POLR1B: variants seen among roughly 807,000 people sequenced by gnomAD.
The protein encoded by POLR1B is DNA-directed RNA polymerase I subunit RPA2.
Under a neutral mutation model 105.8 loss-of-function variants are expected in POLR1B, and 30 were observed. That is an observed-to-expected ratio of 0.28 (90% CI 0.21 to 0.38). The LOEUF is 0.38. Ranked by LOEUF, POLR1B falls within the 10% of genes least tolerant of loss-of-function variation. POLR1B has a pLI of 1.00. For synonymous variants in POLR1B, 485 were observed against 505.1 expected, an observed-to-expected ratio of 0.96 and a Z score of 0.53; for missense variants, 976 against 1,435.8, an observed-to-expected ratio of 0.68 and a Z score of 5.17.
chr2:112,553,809 A>G (rs1294151646), intron 7 of POLR1B: 1 of 152,198 alleles, frequency 6.6e-6, no homozygotes, highest in African/African-American at 2.4e-5. Context: ...ATTTTTCCCC[A>G]GGAGTAGTGG....
chr2:112,542,640 C>G lies in POLR1B; in HGVS notation c.146C>G (p.Ala49Gly). Residue 49 changes from alanine (A) to glycine (G), a missense_variant, in exon 1 of 15, where the codon GCT becomes GGT. This residue lies in a region of POLR1B where 452 missense variants were observed against 616.5 expected (regional missense o/e 0.73). Coordinates refer to ENST00000263331, the MANE Select transcript of POLR1B (RefSeq NM_019014.6). ...TRAHVESFNY[A>G]VHEGLGLAVQ... ...GCGCACGTGGAGTCCTTCAACTACGCTGTGCACGAGGGTCTCGGCCTCGCG... is the reference window on the plus strand; with the variant it reads ...GCGCACGTGGAGTCCTTCAACTACGGTGTGCACGAGGGTCTCGGCCTCGCG... 1.9e-6 allele frequency: 3 copies of G among 1,613,970 alleles called. No individual in the cohort carries two copies. Among genetic ancestry groups the G allele is most frequent in the Non-Finnish European group, 2.5e-6 (3 of 1,179,978 alleles).
chr2:112,554,765 G>A (rs1049020580), intron 7 of POLR1B, among the ~76,000 whole-genome samples: 1 of 152,224 alleles, frequency 6.6e-6, no homozygotes, highest in Non-Finnish European at 1.5e-5. Flanking sequence ...GAGACCAGGA[G>A]TACAGTGGCT....
intron 8 of POLR1B, among the ~76,000 whole-genome samples, chr2:112,558,852 C>T (rs567149171): frequency 6.6e-5 from 10 of 150,980 alleles, no homozygotes; most frequent in African/African-American, 2.4e-4. Context: ...CTCTTGAGCT[C>T]TGGTGAACCA....
chr2:112,542,733 G>T lies in POLR1B; in HGVS notation c.177+62G>T. ...AGGCCAATCCCAGGGAGGTGGCTGG[G>T]AGGTCACAGTATGACCCCAGATGCA... On this transcript the variant is annotated intron_variant, in intron 1 of 14. Coordinates refer to ENST00000263331, the MANE Select transcript of POLR1B (RefSeq NM_019014.6). 5.0e-6 allele frequency: 8 copies of T among 1,586,098 alleles called. No individual in the cohort carries two copies. The South Asian group carries it at 9.1e-5, about 18-fold the overall frequency.
In POLR1B at chr2:112,559,556, G is replaced by C. The variant is rs1437061727; in HGVS notation, c.1594G>C (p.Ala532Pro). ...TQFVYTASIP[A>P]LLCNLGVTPI... is the part of the protein sequence containing the mutation. Reference sequence around the variant, plus strand: ...GTTTGTGTATACGGCATCTATTCCAGCTTTACTGTGCAACTTGGGTATGTA... The same window carrying C: ...GTTTGTGTATACGGCATCTATTCCACCTTTACTGTGCAACTTGGGTATGTA... The change falls in exon 9 of 15, where the codon GCT (alanine) becomes CCT (proline). Residue 532 changes from alanine (A) to proline (P), a missense_variant. Coordinates refer to ENST00000263331, the MANE Select transcript of POLR1B (RefSeq NM_019014.6). The C allele has an allele frequency of 6.2e-7, 1 of 1,613,976 alleles. No homozygotes were observed.
intron 5 of POLR1B, among the ~76,000 whole-genome samples, chr2:112,551,249 G>C (rs1226411561): frequency 6.6e-6 from 1 of 152,222 alleles, no homozygotes; most frequent in Non-Finnish European, 1.5e-5. Context: ...AGGTTGCATG[G>C]AGATGTCAGA....
intron 1 of POLR1B, among the ~76,000 whole-genome samples, chr2:112,544,059 ATCC>A: frequency 6.6e-6 from 1 of 151,974 alleles, no homozygotes; most frequent in East Asian, 1.9e-4. Flanking sequence ...GCTGCACTCC[ATCC>A]TCGGTAACAG....
intron 2 of POLR1B, 108 bp from the exon 3 acceptor site, chr2:112,547,313 G>A (rs1401832311): frequency 1.3e-6 from 2 of 1,482,684 alleles, no homozygotes; most frequent in Admixed American, 2.0e-5. Flanking sequence ...TAAATCTAAG[G>A]CATAAAATAA....
chr2:112,559,303 C>T lies in POLR1B; in HGVS notation c.1341C>T (p.Leu447=). Residue 447 remains leucine, a synonymous_variant, in exon 9 of 15, where the codon CTC becomes CTT. Coordinates refer to ENST00000263331, the MANE Select transcript of POLR1B (RefSeq NM_019014.6). ...TTTTGTTTTATTAAGGTCTTGGCCT[C>T]CTACAAGATTCTGGACTTTGTGTTG... ...GNLRSKTGLG[L]LQDSGLCVVA... is the part of the protein sequence containing the mutation. 5 of 1,614,004 alleles carry T rather than the reference C, an allele frequency of 3.1e-6. No individual in the cohort carries two copies. The highest frequency in any genetic ancestry group is 4.2e-6 in the Non-Finnish European group (5 of 1,179,900).
chr2:112,556,830 T>C (rs1414434554), intron 7 of POLR1B, among the ~76,000 whole-genome samples: 1 of 152,360 alleles, frequency 6.6e-6, no homozygotes, highest in East Asian at 1.9e-4. Context: ...TTAGTTGACA[T>C]GTAATAACTG....
chr2:112,542,467 G>C lies in POLR1B; in HGVS notation c.-28G>C, dbSNP rs1345818102. 1 of 1,558,708 alleles carries C rather than the reference G, an allele frequency of 6.4e-7. No individual in the cohort carries two copies. On this transcript the variant is annotated 5_prime_UTR_variant, in exon 1 of 15. Coordinates refer to ENST00000263331, the MANE Select transcript of POLR1B (RefSeq NM_019014.6). ...GACTGGCGTCCGGCGTGTACCGAGA[G>C]ACTGGCGTCCGGTGTGCAGGTGGCC... is the stretch of plus-strand genomic sequence containing the variant.
intron 9 of POLR1B, among the ~76,000 whole-genome samples, chr2:112,562,827 G>A (rs1684072830): frequency 1.4e-5 from 2 of 148,046 alleles, no homozygotes; most frequent in Admixed American, 1.4e-4. Context: ...CCAGGTTCAA[G>A]TGATTCTCCT....
rs1683842281 is a variant in POLR1B at position 112,559,416 on chromosome 2, C to T, written c.1454C>T (p.Thr485Ile). Reference protein sequence around the residue: ...GADFAKMRTTTVRRLLPESWG... With the variant: ...GADFAKMRTTIVRRLLPESWG... ...GATTTTGCCAAGATGAGGACCACCA[C>T]AGTACGCAGGCTGCTGCCAGAGTCC... Residue 485 changes from threonine to isoleucine, a missense_variant, in exon 9 of 15, where the codon ACA becomes ATA. Thr to Ile is a moderately conservative substitution (Grantham distance 89). Coordinates refer to ENST00000263331, the MANE Select transcript of POLR1B (RefSeq NM_019014.6). 6.2e-7 allele frequency: 1 copy of T among 1,614,236 alleles called. No homozygotes were observed. The highest frequency in any genetic ancestry group is 1.3e-5 in the African/African-American group (1 of 75,056).
At chr2:112,564,063 G>T (rs1415220729) in intron 9 of POLR1B, among the ~76,000 whole-genome samples, 1 of 148,824 alleles carries the variant, frequency 6.7e-6, no homozygotes, top group African/African-American at 2.5e-5. Context: ...AGTAACATCA[G>T]AGATCACTAA....
chr2:112,566,016 G>A (rs1275497065), intron 10 of POLR1B, among the ~76,000 whole-genome samples: 4 of 151,930 alleles, frequency 2.6e-5, no homozygotes, highest in South Asian at 2.1e-4. Flanking sequence ...GTACCACCAC[G>A]CCCGGCTAAT....
In POLR1B at chr2:112,575,653, C is replaced by T. The variant is rs1166949443; in HGVS notation, c.3332C>T (p.Ser1111Phe). The change falls in exon 15 of 15, where the codon TCT becomes TTT. Residue 1111 changes from serine to phenylalanine, a missense_variant. Ser to Phe is a radical substitution (Grantham distance 155, BLOSUM62 -2). Coordinates refer to ENST00000263331, the MANE Select transcript of POLR1B (RefSeq NM_019014.6). The surrounding 1 kb of genome is among the most constrained non-coding windows in gnomAD (Gnocchi z 5.3). ...CGCAGTGACACTATCGATACTGTTTCTGTGCCTTATGTTTTTCGGTATTTT... is the reference window on the plus strand; with the variant it reads ...CGCAGTGACACTATCGATACTGTTTTTGTGCCTTATGTTTTTCGGTATTTT... The part of the protein sequence containing the change: ...CSRSDTIDTV[S>F]VPYVFRYFVA... 1 of 1,614,016 alleles carries T rather than the reference C, an allele frequency of 6.2e-7. No homozygotes were observed. Among genetic ancestry groups the T allele is most frequent in the Non-Finnish European group, 8.5e-7 (1 of 1,180,034 alleles).
At chr2:112,545,838 G>A (rs1194792528) in intron 1 of POLR1B, 1 of 365,902 alleles carries the variant, frequency 2.7e-6, no homozygotes, top group Admixed American at 3.4e-5. Context: ...TAGAGACGGG[G>A]TCTCCCTATG....
chr2:112,567,773 C>T (rs758377333), intron 10 of POLR1B, among the ~76,000 whole-genome samples, 194 bp from the exon 11 acceptor site: 6 of 152,270 alleles, frequency 3.9e-5, no homozygotes, highest in African/African-American at 9.6e-5. Flanking sequence ...TGTATCGACA[C>T]GTGCATTCAT....
At position 112,542,613 on chromosome 2, in the gene POLR1B, G is replaced by A. The variant is rs757112088; in HGVS notation, c.119G>A (p.Arg40Gln). Residue 40 changes from arginine to glutamine, a missense_variant, in exon 1 of 15, where the codon CGG becomes CAG. Around this residue, in one of 12 missense-constraint regions of POLR1B, gnomAD observed 452 missense variants for 616.5 expected, o/e 0.73. Transcript: ENST00000263331. ...AAGGCAGCGTTGCAGGAGCTGACGC[G>A]GGCGCACGTGGAGTCCTTCAACTAC... ...QQKAALQELT[R>Q]AHVESFNYAV... 6 of 1,614,118 alleles carry A rather than the reference G, an allele frequency of 3.7e-6. No homozygotes were observed. In the Admixed American group the frequency reaches 8.3e-5, roughly 22 times the overall value.
Sources: gnomAD v4.1 joint callset for allele counts (sites outside exome capture counted in the v4.1 genomes callset) on GRCh38, gnomAD v4.1.1 for gene constraint, gnomAD v4.1.1 regional missense constraint, Gnocchi (gnomAD v3.1) non-coding constraint, MANE v1.5 for transcripts, NCBI Gene and HGNC (gene_info 2026-07-23, HGNC 2026-07-21) for gene names.